The following TEX9 variants were observed in gnomAD, a reference collection of about 807,000 sequenced individuals.
TEX9 encodes testis-expressed protein 9.
In TEX9, 74 loss-of-function variants were observed where a neutral mutation model predicts 59.6. The observed-to-expected ratio is 1.24, with a 90% CI of 1.03 to 1.51. The LOEUF (loss-of-function observed/expected upper bound fraction) is 1.51. TEX9 is among the 40% of genes most tolerant of loss of function. TEX9 has a pLI of 0.00. For missense variants in TEX9, 522 were observed against 447.8 expected (o/e 1.17, Z -1.49); for synonymous variants, 186 against 152.2 (o/e 1.22, Z -1.64).
chr15:56,346,955 G>A (rs1401446386), intron 1 of TEX9, among the ~76,000 whole-genome samples: 1 of 152,164 alleles, frequency 6.6e-6, no homozygotes, highest in Non-Finnish European at 1.5e-5. Flanking sequence ...GGCTCCAAGA[G>A]TAAAAATATG....
At chr15:56,411,053 T>C (rs1200622765) in intron 9 of TEX9, among the ~76,000 whole-genome samples, 2 of 152,188 alleles carry the variant, frequency 1.3e-5, no homozygotes, top group East Asian at 1.9e-4. Flanking sequence ...TGTAGTGATA[T>C]AGCCAGGAAA....
chr15:56,414,278 A>G (rs1189700409), intron 10 of TEX9, among the ~76,000 whole-genome samples: 1 of 151,652 alleles, frequency 6.6e-6, no homozygotes, highest in Non-Finnish European at 1.5e-5. Flanking sequence ...TTGTGGGTAC[A>G]TGTGAAGGTT....
intron 1 of TEX9, among the ~76,000 whole-genome samples, chr15:56,246,542 G>A (rs1417487799): frequency 6.6e-6 from 1 of 152,152 alleles, no homozygotes; most frequent in Non-Finnish European, 1.5e-5. Flanking sequence ...CCTGAATAAA[G>A]GCAGGAGTGT....
intron 3 of TEX9, among the ~76,000 whole-genome samples, chr15:56,379,246 T>C (rs1462014733): frequency 6.6e-6 from 1 of 152,158 alleles, no homozygotes; most frequent in African/African-American, 2.4e-5. Flanking sequence ...TGGTATGTTG[T>C]GTTTTCATTA....
intron 12 of TEX9, among the ~76,000 whole-genome samples, chr15:56,434,849 A>G (rs1769569343): frequency 6.6e-6 from 1 of 152,094 alleles, no homozygotes; most frequent in South Asian, 2.1e-4. Context: ...CTAGTCTTCT[A>G]ATATTCCCTT....
chr15:56,317,836 T>C (rs1190587025), intron 1 of TEX9, among the ~76,000 whole-genome samples: 2 of 152,172 alleles, frequency 1.3e-5, no homozygotes, highest in Non-Finnish European at 2.9e-5. Flanking sequence ...CCTTCTCTTA[T>C]TGATTTTTAA....
upstream of TEX9, among the ~76,000 whole-genome samples, chr15:56,361,900 CAA>C (rs1284618389): frequency 2.0e-5 from 3 of 152,036 alleles, no homozygotes; most frequent in African/African-American, 7.3e-5. Flanking sequence ...AGGTTTCAAG[CAA>C]AACATAGTCC....
chr15:56,437,901 C>T (rs2050755596), intron 12 of TEX9, among the ~76,000 whole-genome samples: 1 of 152,090 alleles, frequency 6.6e-6, no homozygotes, highest in South Asian at 2.1e-4. Flanking sequence ...AGGAATCCAA[C>T]TTACAAGGGA....
intron 1 of TEX9, among the ~76,000 whole-genome samples, chr15:56,270,559 C>G (rs1243847908): frequency 6.6e-6 from 1 of 151,930 alleles, no homozygotes; most frequent in Non-Finnish European, 1.5e-5. Flanking sequence ...GTGAATACAG[C>G]ACACTGATGG....
chr15:56,246,935 G>A (rs761677727), intron 1 of TEX9, among the ~76,000 whole-genome samples: 1 of 152,172 alleles, frequency 6.6e-6, no homozygotes, highest in East Asian at 1.9e-4. Context: ...AAAAGTTATA[G>A]GTAAACCAGG....
Position 56,408,729 on chromosome 15 carries a change from T to A in TEX9, c.829-3573T>A, listed in dbSNP as rs569118844. 9 of 152,316 alleles carry A rather than the reference T, an allele frequency of 5.9e-5. No homozygotes were observed. The East Asian group carries it at 1.2e-3, about 20-fold the overall frequency. The allele number at this position is 152,316 out of a possible 1,614,324, so 9.4% of individuals were successfully genotyped here. A position where few individuals can be genotyped will look rare whatever the true frequency, so the allele number is the denominator to read the frequency against. ...AGTCATCTTGATCTGTTTTCCTATA[T>A]CCAGATCCAGCTCACCAACAAGTCC... On this transcript the variant is annotated intron_variant, in intron 9 of 12. Transcript: ENST00000352903.
the TEX9 span, among the ~76,000 whole-genome samples, chr15:56,459,888 G>C: frequency 6.7e-6 from 1 of 149,172 alleles, no homozygotes; most frequent in East Asian, 2.0e-4. Flanking sequence ...TACTTGGAAG[G>C]CCTCGGCAGG....
At chr15:56,402,561 A>G (rs2048850256) in intron 9 of TEX9, among the ~76,000 whole-genome samples, 1 of 152,244 alleles carries the variant, frequency 6.6e-6, no homozygotes, top group Admixed American at 6.5e-5. Flanking sequence ...CAGAGGTATA[A>G]GGAGGAGCTG....
chr15:56,354,248 C>A (rs2046642350), intron 1 of TEX9, among the ~76,000 whole-genome samples: 1 of 152,182 alleles, frequency 6.6e-6, no homozygotes, highest in Non-Finnish European at 1.5e-5. Context: ...AGGACATCAG[C>A]CACATCTGCA....
At chr15:56,452,395 C>T in the TEX9 span, among the ~76,000 whole-genome samples, 1 of 152,166 alleles carries the variant, frequency 6.6e-6, no homozygotes, top group Admixed American at 6.5e-5. Flanking sequence ...CATCAGAACT[C>T]AGTGCTCTGG....
At chr15:56,319,814 G>C (rs561996481) in intron 1 of TEX9, among the ~76,000 whole-genome samples, 63 of 152,294 alleles carry the variant, frequency 4.1e-4, no homozygotes, top group African/African-American at 1.5e-3. Flanking sequence ...CTTTCAGATG[G>C]GGGGAAGTTG....
chr15:56,438,320 C>A (rs536754686), intron 12 of TEX9, among the ~76,000 whole-genome samples: 1 of 152,194 alleles, frequency 6.6e-6, no homozygotes, highest in Admixed American at 6.5e-5. Flanking sequence ...CACACATCTA[C>A]AACCATCTGC....
intron 12 of TEX9, chr15:56,443,555 A>C (rs1272057439): frequency 8.9e-6 from 14 of 1,571,964 alleles, no homozygotes; most frequent in African/African-American, 1.4e-5. Context: ...ATTTTTTAAA[A>C]AACATAAATA....
chr15:56,317,360 G>A (rs1161467252), intron 1 of TEX9, among the ~76,000 whole-genome samples: 1 of 152,200 alleles, frequency 6.6e-6, no homozygotes, highest in African/African-American at 2.4e-5. Flanking sequence ...TTTGGTTTCT[G>A]TAAGGTAGGC....
Sources: gnomAD v4.1 joint callset for allele counts (sites outside exome capture counted in the v4.1 genomes callset) on GRCh38, gnomAD v4.1.1 for gene constraint, MANE v1.5 for transcripts, NCBI Gene and HGNC (gene_info 2026-07-23, HGNC 2026-07-21) for gene names.